The following CAPN2 variants were observed in gnomAD, a reference collection of about 807,000 sequenced individuals.
CAPN2 encodes calpain-2 catalytic subunit.
A neutral mutation model predicts 102.3 loss-of-function variants in CAPN2; 92 were observed. That is an observed-to-expected ratio of 0.90 (90% CI 0.76 to 1.07). The LOEUF is 1.07. Ranked by LOEUF, CAPN2 falls within the 50% of genes least tolerant of loss-of-function variation. The pLI is 0.00. For synonymous variants in CAPN2, 340 were observed against 355.4 expected (o/e 0.96, Z 0.49); for missense variants, 800 against 909.4 (o/e 0.88, Z 1.55).
At chr1:223,709,116 C>G (rs2102768427), upstream of CAPN2, among the ~76,000 whole-genome samples, 1 of 152,132 alleles carries the variant, frequency 6.6e-6, no homozygotes, top group East Asian at 1.9e-4. Flanking sequence ...CCAGGAGAAG[C>G]TGGGCAGGGA....
chr1:223,766,490 A>C (rs1034101620), intron 16 of CAPN2, 59 bp downstream of exon 16: 1 of 1,316,008 alleles, frequency 7.6e-7, no homozygotes, highest in Admixed American at 1.7e-5. Context: ...CTCACTCCAG[A>C]AAGATTCAAA....
In CAPN2 at chr1:223,725,337, C is replaced by T. The variant is rs531807948; in HGVS notation, c.307+7506C>T. ...GGTGGAGGTTGCAGTGAGCCATGATCGCACCACTGCACTCCATCCTGGGCA... is the reference window on the plus strand; with the variant it reads ...GGTGGAGGTTGCAGTGAGCCATGATTGCACCACTGCACTCCATCCTGGGCA... On this transcript the variant is annotated intron_variant, in intron 2 of 20. Coordinates refer to ENST00000295006, the MANE Select transcript of CAPN2 (RefSeq NM_001748.5). This position sits in a 1 kb window ranked among gnomAD's most constrained non-coding sequence, Gnocchi z 4.1. Among the ~76,000 whole-genome samples the T allele has an allele frequency of 1.3e-5, 2 of 151,792 alleles. No individual in the cohort carries two copies. Among genetic ancestry groups the T allele is most frequent in the South Asian group, 2.1e-4 (1 of 4,804 alleles).
At chr1:223,712,439 C>G (rs892447552), upstream of CAPN2, 4 of 1,111,382 alleles carry the variant, frequency 3.6e-6, no homozygotes, top group East Asian at 5.4e-5. Context: ...TGGCCTGGTC[C>G]CGGGCCGGGA....
intron 16 of CAPN2, among the ~76,000 whole-genome samples, chr1:223,768,571 G>A (rs1405700261): frequency 6.6e-6 from 1 of 152,096 alleles, no homozygotes; most frequent in Non-Finnish European, 1.5e-5. Flanking sequence ...CCAGTACCAT[G>A]CTGTTTTGGT....
At chr1:223,702,653 A>G (rs1226103588) in intron 1 of CAPN2, among the ~76,000 whole-genome samples, 1 of 152,204 alleles carries the variant, frequency 6.6e-6, no homozygotes, top group Non-Finnish European at 1.5e-5. Context: ...GGAGGATAGG[A>G]CATAACCCAC....
Position 223,747,011 on chromosome 1 carries a change from A to G in CAPN2, c.575A>G (p.Tyr192Cys). The change falls in exon 5 of 21, where the codon TAT (tyrosine) becomes TGT (cysteine). Residue 192 changes from tyrosine to cysteine, a missense_variant. Tyr to Cys is a radical substitution (Grantham distance 194). Coordinates refer to ENST00000295006, the MANE Select transcript of CAPN2 (RefSeq NM_001748.5). ...CCCTCTTGTAGGATCAACGGATGCT[A>G]TGAAGCGCTATCAGGGGGTGCCACC... ...EKAYAKINGC[Y>C]EALSGGATTE... 10 of 1,613,764 alleles carry G rather than the reference A, an allele frequency of 6.2e-6. No individual in the cohort carries two copies. Among genetic ancestry groups the G allele is most frequent in the Non-Finnish European group, 6.8e-6 (8 of 1,179,782 alleles).
intron 2 of CAPN2, among the ~76,000 whole-genome samples, chr1:223,736,802 CG>C (rs1660466912): frequency 6.6e-6 from 1 of 152,068 alleles, no homozygotes; most frequent in Non-Finnish European, 1.5e-5. Context: ...CCCAATACTT[CG>C]GGAGGCTGAG....
At chr1:223,719,107 T>C (rs1214440038) in intron 2 of CAPN2, among the ~76,000 whole-genome samples, 2 of 152,176 alleles carry the variant, frequency 1.3e-5, no homozygotes, top group Non-Finnish European at 2.9e-5. Context: ...AAACACTCCT[T>C]TCATTTCTTT....
At position 223,770,497 on chromosome 1, in the gene CAPN2, T is replaced by C. The variant is rs1402140416; in HGVS notation, c.1875T>C (p.Tyr625=). 5 of 1,613,878 alleles carry C rather than the reference T, an allele frequency of 3.1e-6. No homozygotes were observed. Among genetic ancestry groups the C allele is most frequent in the Non-Finnish European group, 4.2e-6 (5 of 1,179,820 alleles). The change falls in exon 18 of 21, where the codon TAT becomes TAC. Residue 625 remains tyrosine, a synonymous_variant. Transcript: ENST00000295006. The stretch of plus-strand genomic sequence containing the variant: ...ACAGGTCTGGTACCATGAATTCCTA[T>C]GAAATGCGGAAGGCATTAGAAGAAG... The part of the protein sequence containing the change: ...DVDRSGTMNS[Y]EMRKALEEAG...
chr1:223,759,547 C>A lies in CAPN2; in HGVS notation c.1529+66C>A. ...CCCTCCCCACTGGTCTGTTCCTCGG[C>A]CCCTAGAGGGCTCTTTCATCCTCTG... On this transcript the variant is annotated intron_variant, in intron 12 of 20. Transcript: ENST00000295006. The surrounding 1 kb of genome is among the most constrained non-coding windows in gnomAD (Gnocchi z 4.6). 1.5e-6 allele frequency: 2 copies of A among 1,353,794 alleles called. No individual in the cohort carries two copies. Among genetic ancestry groups the A allele is most frequent in the Non-Finnish European group, 2.1e-6 (2 of 958,676 alleles). 83.9% of individuals were successfully genotyped at this position (1,353,794 alleles called of 1,614,324 possible). A position where few individuals can be genotyped will look rare whatever the true frequency, so the allele number is the denominator to read the frequency against.
At chr1:223,768,695 TTAAAG>T (rs1661397819) in intron 16 of CAPN2, among the ~76,000 whole-genome samples, 1 of 150,916 alleles carries the variant, frequency 6.6e-6, no homozygotes, top group African/African-American at 2.4e-5. Context: ...CATATGAACT[TTAAAG>T]TAGTTTTTTC....
At chr1:223,766,829 G>C (rs28370157) in intron 16 of CAPN2, among the ~76,000 whole-genome samples, 3,441 of 152,012 alleles carry the variant, frequency 0.023, 142 homozygotes, top group African/African-American at 0.079. Flanking sequence ...GTGTGGTGGC[G>C]GGCACCTGTA....
chr1:223,748,920 C>A, intron 5 of CAPN2, 119 bp from the exon 6 acceptor site: 3 of 860,824 alleles, frequency 3.5e-6, no homozygotes, highest in Non-Finnish European at 5.8e-6. Flanking sequence ...CCACCCCAGG[C>A]CTCGGCCGCT....
At chr1:223,709,270 A>C (rs529421917), upstream of CAPN2, among the ~76,000 whole-genome samples, 1 of 152,346 alleles carries the variant, frequency 6.6e-6, no homozygotes, top group South Asian at 2.1e-4. Flanking sequence ...AGAGACAAGA[A>C]TAGATGGGGG....
chr1:223,750,022 A>G (rs1210349322), intron 6 of CAPN2, among the ~76,000 whole-genome samples: 1 of 152,152 alleles, frequency 6.6e-6, no homozygotes, highest in Non-Finnish European at 1.5e-5. Flanking sequence ...AAAAAAAATT[A>G]TCAAGCAACT....
chr1:223,769,509 T>A (rs192427038), intron 16 of CAPN2, among the ~76,000 whole-genome samples: 1 of 151,646 alleles, frequency 6.6e-6, no homozygotes, highest in Non-Finnish European at 1.5e-5. Flanking sequence ...CCACATACTT[T>A]AAAAAAAACA....
At position 223,731,667 on chromosome 1, in the gene CAPN2, G is replaced by A. The variant is rs560351320; in HGVS notation, c.308-12433G>A. Among the ~76,000 whole-genome samples the A allele has an allele frequency of 3.3e-5, 5 of 152,352 alleles. No homozygotes were observed. Among genetic ancestry groups the A allele is most frequent in the Admixed American group, 1.3e-4 (2 of 15,302 alleles). ...CCAGGAATGCACCAACAAGGAGCCTGAGACTAGATTGGAGGGGAAAGAGAC... is the reference window on the plus strand; with the variant it reads ...CCAGGAATGCACCAACAAGGAGCCTAAGACTAGATTGGAGGGGAAAGAGAC... On this transcript the variant is annotated intron_variant, in intron 2 of 20. Coordinates refer to ENST00000295006, the MANE Select transcript of CAPN2 (RefSeq NM_001748.5). The surrounding 1 kb of genome is among the most constrained non-coding windows in gnomAD (Gnocchi z 4.2).
intron 7 of CAPN2, among the ~76,000 whole-genome samples, chr1:223,751,465 C>A (rs1341166349): frequency 6.6e-6 from 1 of 152,190 alleles, no homozygotes; most frequent in Non-Finnish European, 1.5e-5. Context: ...ACTTGCTCTG[C>A]CTCAGGTTGG....
At position 223,759,520 on chromosome 1, in the gene CAPN2, G is replaced by C; in HGVS notation, c.1529+39G>C. ...TCCCTTCCTCTCCCCACCCTTCCCT[G>C]TCCCTCCCCACTGGTCTGTTCCTCG... On this transcript the variant is annotated intron_variant, in intron 12 of 20. Transcript: ENST00000295006. This position sits in a 1 kb window ranked among gnomAD's most constrained non-coding sequence, Gnocchi z 4.6. The C allele has an allele frequency of 6.4e-7, 1 of 1,564,882 alleles. No individual in the cohort carries two copies.
Sources: allele counts gnomAD v4.1 joint callset (sites outside exome capture counted in the v4.1 genomes callset), GRCh38; gene constraint gnomAD v4.1.1; non-coding constraint Gnocchi (gnomAD v3.1); transcripts MANE v1.5; gene names NCBI Gene and HGNC (gene_info 2026-07-23, HGNC 2026-07-21).